TMEM207: variants seen among roughly 807,000 people sequenced by gnomAD.
TMEM207 encodes the protein transmembrane protein 207, also known as SRSR846.
In TMEM207, 15 loss-of-function variants were observed where a neutral mutation model predicts 17.4. The ratio of observed to expected loss-of-function variants is 0.86; its 90% confidence interval spans 0.58 to 1.33. The LOEUF (loss-of-function observed/expected upper bound fraction) is 1.33, where lower values mean the gene tolerates loss of function less well. TMEM207 is among the 40% of genes most tolerant of loss of function. TMEM207 has a pLI of 0.00. For synonymous variants in TMEM207, 70 were observed against 65.6 expected, an observed-to-expected ratio of 1.07 and a Z score of -0.33; for missense variants, 205 against 173.8, an observed-to-expected ratio of 1.18 and a Z score of -1.01.
At chr3:190,439,032 C>G (rs1177589990) in intron 4 of TMEM207, among the ~76,000 whole-genome samples, 3 of 151,938 alleles carry the variant, frequency 2.0e-5, no homozygotes, top group Non-Finnish European at 2.9e-5. Flanking sequence ...AAAAAATTAG[C>G]CGGGCGTGGT....
At chr3:190,442,185 T>G (rs1300520669) in intron 2 of TMEM207, among the ~76,000 whole-genome samples, 3 of 152,206 alleles carry the variant, frequency 2.0e-5, no homozygotes, top group African/African-American at 7.2e-5. Flanking sequence ...AGTCCCTCAC[T>G]ATGCCTAACA....
chr3:190,440,892 C>T (rs1039185520), intron 3 of TMEM207, among the ~76,000 whole-genome samples: 1 of 152,270 alleles, frequency 6.6e-6, no homozygotes. Context: ...CACGGTGAAA[C>T]CCCGTCTCTA....
Position 190,433,850 on chromosome 3 carries a change from T to C in TMEM207, c.305-4119A>G, listed in dbSNP as rs547113350. On this transcript the variant is annotated intron_variant, in intron 4 of 4. Coordinates refer to ENST00000354905, the MANE Select transcript of TMEM207 (RefSeq NM_207316.3). ...GCTTCTCATGAATGACTTAGCACCA[T>C]AACCTTGGTGCTGTTCTCATGATAG... Among the ~76,000 whole-genome samples the C allele has an allele frequency of 8.5e-5, 13 of 152,254 alleles. No homozygotes were observed. In the East Asian group the frequency reaches 2.5e-3, roughly 29 times the overall value.
intron 4 of TMEM207, among the ~76,000 whole-genome samples, chr3:190,434,736 G>A (rs1475619171): frequency 6.6e-6 from 1 of 152,322 alleles, no homozygotes; most frequent in East Asian, 1.9e-4. Flanking sequence ...CTACGGCATG[G>A]ATGATGCCAT....
At chr3:190,430,389 C>G (rs989667528) in intron 4 of TMEM207, among the ~76,000 whole-genome samples, 2 of 151,876 alleles carry the variant, frequency 1.3e-5, no homozygotes, top group African/African-American at 4.8e-5. Flanking sequence ...TGCACTTACT[C>G]TAATGGCTCT....
At chr3:190,431,830 T>C (rs905189905) in intron 4 of TMEM207, among the ~76,000 whole-genome samples, 2 of 152,216 alleles carry the variant, frequency 1.3e-5, no homozygotes, top group African/African-American at 4.8e-5. Flanking sequence ...GTTGCTTTCG[T>C]AGAAAACTCA....
At chr3:190,429,813 A>G in intron 4 of TMEM207, 82 bp from the exon 5 acceptor site, 2 of 1,421,454 alleles carry the variant, frequency 1.4e-6, no homozygotes, top group Non-Finnish European at 1.9e-6. Flanking sequence ...AAAATCTGGC[A>G]TTGCTTGGAT....
rs1719622999 is a variant in TMEM207 at position 190,428,710 on chromosome 3, T to C, written c.*885A>G. 6.6e-6 allele frequency: 1 copy of C among 152,164 alleles called. No homozygotes were observed. Among genetic ancestry groups the C allele is most frequent in the Non-Finnish European group, 1.5e-5 (1 of 68,010 alleles). The allele number at this position is 152,164 out of a possible 1,614,324, so 9.4% of individuals were successfully genotyped here. On this transcript the variant is annotated 3_prime_UTR_variant, in exon 5 of 5. Transcript: ENST00000354905. ...GTTCAACAAATTTGTCAGCTGAAGA[T>C]CATATGTCATCTGTGATGGATGTTT... is the stretch of plus-strand genomic sequence containing the variant.
chr3:190,447,879 C>A (rs766442000), intron 1 of TMEM207, 52 bp from the exon 2 acceptor site: 2 of 1,544,548 alleles, frequency 1.3e-6, no homozygotes, highest in Non-Finnish European at 1.8e-6. Context: ...CAGTCTAATC[C>A]TTTAATACAA....
At chr3:190,447,466 A>T (rs1023132613) in intron 2 of TMEM207, among the ~76,000 whole-genome samples, 1 of 152,188 alleles carries the variant, frequency 6.6e-6, no homozygotes, top group Non-Finnish European at 1.5e-5. Flanking sequence ...TTGAGTGTGG[A>T]TGAAGCCATA....
At chr3:190,439,231 C>T (rs1334099446) in intron 4 of TMEM207, among the ~76,000 whole-genome samples, 1 of 149,374 alleles carries the variant, frequency 6.7e-6, no homozygotes, top group Non-Finnish European at 1.5e-5. Context: ...AATGCATTGC[C>T]TCTGTTAAGT....
chr3:190,446,914 A>C (rs1054848708), intron 2 of TMEM207, among the ~76,000 whole-genome samples: 3 of 152,194 alleles, frequency 2.0e-5, no homozygotes, highest in Admixed American at 1.3e-4. Flanking sequence ...AAACAGCATA[A>C]GACAGAGTGA....
chr3:190,447,741 A>AT (rs1322404919), intron 2 of TMEM207, 49 bp downstream of exon 2: 1 of 1,596,746 alleles, frequency 6.3e-7, no homozygotes, highest in Non-Finnish European at 8.5e-7. Flanking sequence ...TATACTTTGA[A>AT]TTTTTTAAAT....
intron 4 of TMEM207, among the ~76,000 whole-genome samples, chr3:190,438,964 C>A (rs551444132): frequency 6.6e-6 from 1 of 151,680 alleles, no homozygotes; most frequent in Non-Finnish European, 1.5e-5. Context: ...CCGAGGCGGG[C>A]GGATCACGAG....
At chr3:190,438,638 G>A (rs944248107) in intron 4 of TMEM207, among the ~76,000 whole-genome samples, 1 of 152,178 alleles carries the variant, frequency 6.6e-6, no homozygotes, top group African/African-American at 2.4e-5. Flanking sequence ...CTTGAAGTGA[G>A]AGAAGAGCTG....
intron 2 of TMEM207, 99 bp downstream of exon 2, chr3:190,447,691 G>T: frequency 2.5e-6 from 3 of 1,185,814 alleles, no homozygotes; most frequent in South Asian, 1.6e-5. Context: ...ATGATCATTT[G>T]AAACTCAACT....
chr3:190,441,467 A>C lies in TMEM207; in HGVS notation c.129T>G (p.Asn43Lys). 6.2e-7 allele frequency: 1 copy of C among 1,611,818 alleles called. No homozygotes were observed. Among genetic ancestry groups the C allele is most frequent in the Non-Finnish European group, 8.5e-7 (1 of 1,178,806 alleles). ...TATACCAGCCATTAGGGTGTTGGTC[A>C]TTATAATTTACACACCTGGTGATAA... ...CEEDEMCVNY[N>K]DQHPNGWYIW... is the part of the protein sequence containing the mutation. Residue 43 changes from asparagine to lysine, a missense_variant, in exon 3 of 5, where the codon AAT (asparagine) becomes AAG (lysine). Asn to Lys is a moderately conservative substitution (Grantham distance 94). Transcript: ENST00000354905.
intron 4 of TMEM207, among the ~76,000 whole-genome samples, chr3:190,432,201 A>G (rs771775864): frequency 3.4e-4 from 52 of 152,206 alleles, no homozygotes; most frequent in Non-Finnish European, 6.8e-4. Context: ...GAGATTTCCT[A>G]TGTTTTTAAG....
chr3:190,449,741 T>C lies in TMEM207; in HGVS notation c.69A>G (p.Leu23=), dbSNP rs1257514521. ...CAGAAAGAGAGATAGTTACCTGGAA[T>C]AGCGGCAAACACAAGATCCCTATCG... ...ISTIGILCLP[L]FQLVLSDLPC... is the part of the protein sequence containing the mutation. Residue 23 remains leucine, a synonymous_variant, in exon 1 of 5, where the codon CTA becomes CTG. Transcript: ENST00000354905. 5 of 1,613,800 alleles carry C rather than the reference T, an allele frequency of 3.1e-6. No homozygotes were observed. The highest frequency in any genetic ancestry group is 2.2e-5 in the East Asian group (1 of 44,850).
Sources: allele counts gnomAD v4.1 joint callset (sites outside exome capture counted in the v4.1 genomes callset), GRCh38; gene constraint gnomAD v4.1.1; transcripts MANE v1.5; gene names NCBI Gene and HGNC (gene_info 2026-07-23, HGNC 2026-07-21).